Variants in DNTTIP1 observed in about 807,000 individuals in gnomAD.
The protein encoded by DNTTIP1 is deoxynucleotidyltransferase terminal-interacting protein 1.
DNTTIP1 carries 22 observed loss-of-function variants against 52.9 expected under a neutral mutation model. That is an observed-to-expected ratio of 0.42 (90% CI 0.30 to 0.59). The LOEUF is 0.59. Ranked by LOEUF, DNTTIP1 falls within the 20% of genes least tolerant of loss-of-function variation. The pLI is 0.22. For missense variants in DNTTIP1, 286 were observed against 435.5 expected, an observed-to-expected ratio of 0.66 and a Z score of 3.06; for synonymous variants, 136 against 155.1, an observed-to-expected ratio of 0.88 and a Z score of 0.92.
Position 45,805,499 on chromosome 20 carries a change from T to C in DNTTIP1, c.723+133T>C, listed in dbSNP as rs574000875. The C allele has an allele frequency of 1.2e-5, 12 of 962,844 alleles. No homozygotes were observed. The African/African-American group carries it at 1.5e-4, about 12-fold the overall frequency. 59.6% of individuals were successfully genotyped at this position (962,844 alleles called of 1,614,324 possible). Reference sequence around the variant, plus strand: ...CTGGGTTCTAGTTGTGCCTCTGCCATTCACCTTTCCCTTTCATGATTTACT... The same window carrying C: ...CTGGGTTCTAGTTGTGCCTCTGCCACTCACCTTTCCCTTTCATGATTTACT... On this transcript the variant is annotated intron_variant, in intron 10 of 12. Coordinates refer to ENST00000372622, the MANE Select transcript of DNTTIP1 (RefSeq NM_052951.3).
At chr20:45,806,185 G>A (rs928156396) in intron 10 of DNTTIP1, among the ~76,000 whole-genome samples, 6 of 151,092 alleles carry the variant, frequency 4.0e-5, no homozygotes, top group African/African-American at 4.9e-5. Flanking sequence ...GAGAAACCCC[G>A]TCTCTACTAA....
chr20:45,808,900 G>GTATAATCCCA, intron 10 of DNTTIP1, among the ~76,000 whole-genome samples: 1 of 152,256 alleles, frequency 6.6e-6, no homozygotes, highest in South Asian at 2.1e-4. Context: ...GTGGGGATTG[G>GTATAATCCCA]GAGTATACTA....
chr20:45,795,529 T>G, intron 4 of DNTTIP1, 86 bp downstream of exon 4: 1 of 802,596 alleles, frequency 1.2e-6, no homozygotes. Flanking sequence ...CCGGACGTGG[T>G]GGCTCACACA....
rs1243089711 is a variant in DNTTIP1, at chr20:45,801,002, A to G, written c.373-72A>G. The G allele has an allele frequency of 9.6e-6, 13 of 1,349,292 alleles. No homozygotes were observed. In the African/African-American group the frequency reaches 1.6e-4, roughly 17 times the overall value. 83.6% of individuals were successfully genotyped at this position (1,349,292 alleles called of 1,614,324 possible). A position where few individuals can be genotyped will look rare whatever the true frequency, so the allele number is the denominator to read the frequency against. On this transcript the variant is annotated intron_variant, in intron 4 of 12. Transcript: ENST00000372622. ...GAGCAAGACTCTGTCTCCAAAAAAAAAAAAGGAAGTAGGTAGGGTGTGCTT... is the reference window on the plus strand; with the variant it reads ...GAGCAAGACTCTGTCTCCAAAAAAAGAAAAGGAAGTAGGTAGGGTGTGCTT...
chr20:45,800,720 T>A lies in DNTTIP1; in HGVS notation c.373-354T>A, dbSNP rs868136040. Among the ~76,000 whole-genome samples, 8 of 7,140 alleles carry A rather than the reference T, an allele frequency of 1.1e-3. 1 individual carries two copies. Among genetic ancestry groups the A allele is most frequent in the East Asian group, 0.023 (1 of 44 alleles). The allele number at this position is 7,140 out of a possible 152,430, so 4.7% of individuals were successfully genotyped here. On this transcript the variant is annotated intron_variant, in intron 4 of 12. Coordinates refer to ENST00000372622, the MANE Select transcript of DNTTIP1 (RefSeq NM_052951.3). ...ATATATATATATATATATATATATA[T>A]ATATATATATATATATATATATATA...
chr20:45,800,821 C>T (rs1208422633), intron 4 of DNTTIP1, among the ~76,000 whole-genome samples: 7 of 144,650 alleles, frequency 4.8e-5, no homozygotes, highest in Non-Finnish European at 9.0e-5. Context: ...TGGTGAAATC[C>T]CGTCTCTTCC....
chr20:45,793,892 C>G (rs757222596), intron 2 of DNTTIP1, 29 bp from the exon 3 acceptor site: 10 of 1,454,420 alleles, frequency 6.9e-6, no homozygotes, highest in South Asian at 1.3e-5. Flanking sequence ...GGGACATGCC[C>G]CCTCACCCTG....
Position 45,809,030 on chromosome 20 carries a change from T to C in DNTTIP1, c.724-84T>C. 8.1e-7 allele frequency: 1 copy of C among 1,234,636 alleles called. No homozygotes were observed. The allele number at this position is 1,234,636 out of a possible 1,614,324, so 76.5% of individuals were successfully genotyped here. Reference sequence around the variant, plus strand: ...GACAAGGACTTTTGGTAAGAACTGCTCAAGGGCCAAGAGTATGCTCTGGGA... The same window carrying C: ...GACAAGGACTTTTGGTAAGAACTGCCCAAGGGCCAAGAGTATGCTCTGGGA... On this transcript the variant is annotated intron_variant, in intron 10 of 12. Transcript: ENST00000372622. This position sits in a 1 kb window ranked among gnomAD's most constrained non-coding sequence, Gnocchi z 4.2.
At chr20:45,797,736 C>T (rs2145699335) in intron 4 of DNTTIP1, among the ~76,000 whole-genome samples, 1 of 152,304 alleles carries the variant, frequency 6.6e-6, no homozygotes, top group South Asian at 2.1e-4. Context: ...AAAAAATGCT[C>T]ATCATCACTG....
intron 5 of DNTTIP1, 92 bp downstream of exon 5, chr20:45,801,234 C>T: frequency 7.0e-7 from 1 of 1,435,646 alleles, no homozygotes; most frequent in Non-Finnish European, 9.8e-7. Flanking sequence ...GTTCCATGTA[C>T]TTCCATTTGT....
At chr20:45,801,805 C>T (rs1316435079) in intron 6 of DNTTIP1, among the ~76,000 whole-genome samples, 194 bp from the exon 7 acceptor site, 1 of 152,218 alleles carries the variant, frequency 6.6e-6, no homozygotes, top group Non-Finnish European at 1.5e-5. Flanking sequence ...AGGCTCTTCA[C>T]TCCGCAAGGT....
At chr20:45,796,372 T>A (rs1204134784) in intron 4 of DNTTIP1, 61 of 405,800 alleles carry the variant, frequency 1.5e-4, no homozygotes, top group Admixed American at 8.0e-4. Context: ...TAGAAAAAAA[T>A]TTTTAAAAGC....
In DNTTIP1 at chr20:45,809,982, G is replaced by T. The variant is rs1568710686; in HGVS notation, c.795+797G>T. Reference sequence around the variant, plus strand: ...AAATAAGAAATAGATGGTAGGGGGTGGGGGCAGGACCTAAAATTAAGCCAC... The same window carrying T: ...AAATAAGAAATAGATGGTAGGGGGTTGGGGCAGGACCTAAAATTAAGCCAC... On this transcript the variant is annotated intron_variant, in intron 11 of 12. Transcript: ENST00000372622. This position sits in a 1 kb window ranked among gnomAD's most constrained non-coding sequence, Gnocchi z 4.2. Among the ~76,000 whole-genome samples the T allele has an allele frequency of 6.6e-6, 1 of 152,030 alleles. No homozygotes were observed. Among genetic ancestry groups the T allele is most frequent in the Non-Finnish European group, 1.5e-5 (1 of 68,012 alleles).
intron 11 of DNTTIP1, among the ~76,000 whole-genome samples, 179 bp from the exon 12 acceptor site, chr20:45,810,706 G>T (rs16990793): frequency 0.042 from 6,346 of 151,368 alleles, 298 homozygotes; most frequent in African/African-American, 0.11. Flanking sequence ...TGTAGTAAAA[G>T]ATTGTCTCAA....
intron 3 of DNTTIP1, among the ~76,000 whole-genome samples, chr20:45,794,671 G>A (rs1411115612): frequency 1.3e-5 from 2 of 151,382 alleles, no homozygotes; most frequent in Admixed American, 1.3e-4. Flanking sequence ...CATTATTGGG[G>A]CCATGCACAG....
Position 45,791,971 on chromosome 20 carries a change from A to C in DNTTIP1, c.-34A>C. 4 of 1,214,448 alleles carry C rather than the reference A, an allele frequency of 3.3e-6. No homozygotes were observed. The highest frequency in any genetic ancestry group is 4.1e-6 in the Non-Finnish European group (4 of 967,324). The allele number at this position is 1,214,448 out of a possible 1,614,324, so 75.2% of individuals were successfully genotyped here. On this transcript the variant is annotated 5_prime_UTR_variant, in exon 1 of 13. Transcript: ENST00000372622. ...ACGGCGCCACTTTCCGGCCGGTGAC[A>C]GAGTCCAGCGGAGTTGTGGGGGCCG... is the stretch of plus-strand genomic sequence containing the variant.
Position 45,792,657 on chromosome 20 carries a change from T to G in DNTTIP1, c.106-20T>G. 6 of 1,585,356 alleles carry G rather than the reference T, an allele frequency of 3.8e-6. No individual in the cohort carries two copies. Among genetic ancestry groups the G allele is most frequent in the Non-Finnish European group, 5.1e-6 (6 of 1,168,138 alleles). On this transcript the variant is annotated intron_variant, in intron 1 of 12. Coordinates refer to ENST00000372622, the MANE Select transcript of DNTTIP1 (RefSeq NM_052951.3). ...CAGTGTCACAGGCCGCAGTGACATT[T>G]GTTCCGTTGGTCCCCACAGAACCCT...
chr20:45,796,552 G>A (rs767038796), intron 4 of DNTTIP1: 2 of 471,152 alleles, frequency 4.2e-6, no homozygotes, highest in Non-Finnish European at 8.8e-6. Flanking sequence ...CAGGAAGCAT[G>A]ACATCAGGTC....
In DNTTIP1 at chr20:45,811,067, G is replaced by A. The variant is rs765804943; in HGVS notation, c.862G>A (p.Asp288Asn). 6.2e-7 allele frequency: 1 copy of A among 1,613,806 alleles called. No individual in the cohort carries two copies. Among genetic ancestry groups the A allele is most frequent in the South Asian group, 1.1e-5 (1 of 91,036 alleles). Reference protein sequence around the residue: ...AASDDYRGCLDLKLEELKSFV... With the variant: ...AASDDYRGCLNLKLEELKSFV... ...CAATGTCTGTTCCAGAGGATGCCTGGATCTGAAGCTAGAGGAATTGAAATC... is the reference window on the plus strand; with the variant it reads ...CAATGTCTGTTCCAGAGGATGCCTGAATCTGAAGCTAGAGGAATTGAAATC... The change falls in exon 13 of 13, where the codon GAT becomes AAT. Residue 288 changes from aspartate to asparagine, a missense_variant. Physicochemically the swap from Asp to Asn is conservative, Grantham distance 23. Around this residue, in one of 2 missense-constraint regions of DNTTIP1, gnomAD observed 78 missense variants for 169.0 expected, o/e 0.46. Transcript: ENST00000372622.
Sources: allele counts gnomAD v4.1 joint callset (sites outside exome capture counted in the v4.1 genomes callset), GRCh38; gene constraint gnomAD v4.1.1; regional missense constraint gnomAD v4.1.1; non-coding constraint Gnocchi (gnomAD v3.1); transcripts MANE v1.5; gene names NCBI Gene and HGNC (gene_info 2026-07-23, HGNC 2026-07-21).